The following DNM3 variants were observed in gnomAD, a reference collection of about 807,000 sequenced individuals.
DNM3 encodes dynamin 3.
DNM3 carries 47 observed loss-of-function variants against 101.6 expected under a neutral mutation model. The ratio of observed to expected loss-of-function variants is 0.46; its 90% CI spans 0.37 to 0.59. DNM3 has a LOEUF of 0.59. Ranked by LOEUF, DNM3 falls within the 20% of genes least tolerant of loss-of-function variation. The pLI is 0.00. For missense variants in DNM3, 849 were observed against 1,085.7 expected (o/e 0.78, Z 3.06); for synonymous variants, 385 against 387.9 (o/e 0.99, Z 0.09).
intron 4 of DNM3, among the ~76,000 whole-genome samples, chr1:171,991,867 C>T (rs1446645178): frequency 2.0e-5 from 3 of 152,112 alleles, no homozygotes; most frequent in East Asian, 1.9e-4. Flanking sequence ...AAATGCGTAC[C>T]GCAATATGAC....
At chr1:172,169,180 G>C (rs1051063853) in intron 14 of DNM3, among the ~76,000 whole-genome samples, 3 of 151,736 alleles carry the variant, frequency 2.0e-5, no homozygotes, top group Non-Finnish European at 4.4e-5. Flanking sequence ...TCCATATTGA[G>C]GGGATATTCC....
intron 2 of DNM3, among the ~76,000 whole-genome samples, chr1:171,953,245 T>C (rs1044882249): frequency 6.6e-6 from 1 of 152,182 alleles, no homozygotes; most frequent in African/African-American, 2.4e-5. Context: ...TATCACAAAC[T>C]TTGCTGCTAT....
intron 16 of DNM3, among the ~76,000 whole-genome samples, chr1:172,317,385 A>G (rs1230221735): frequency 4.6e-5 from 7 of 152,054 alleles, no homozygotes; most frequent in Non-Finnish European, 8.8e-5. Context: ...AAATAACTAA[A>G]ATCAGAGCAG....
At chr1:172,307,737 G>A (rs2064898991) in intron 15 of DNM3, among the ~76,000 whole-genome samples, 2 of 152,142 alleles carry the variant, frequency 1.3e-5, no homozygotes. Flanking sequence ...CATGCATGAA[G>A]CTGGAAACCA....
chr1:171,926,371 G>A (rs956767098), intron 2 of DNM3, among the ~76,000 whole-genome samples: 13 of 152,088 alleles, frequency 8.5e-5, no homozygotes, highest in African/African-American at 2.4e-4. Flanking sequence ...CCATTTGTTT[G>A]TGCTTTGATC....
rs1051506733 is a variant in DNM3, at chr1:172,308,759, C to T, written c.1801C>T (p.Leu601=). ...ATACAAAGACTATCGCTTCCTTGAG[C>T]TGGCATGTGATTCCCAGGAGGATGT... is the stretch of plus-strand genomic sequence containing the variant. ...NVYKDYRFLE[L]ACDSQEDVDS... Residue 601 remains leucine, a synonymous_variant, in exon 16 of 21, where the codon CTG becomes TTG. Transcript: ENST00000627582. 5.6e-6 allele frequency: 9 copies of T among 1,606,226 alleles called. No individual in the cohort carries two copies. The highest frequency in any genetic ancestry group is 6.8e-6 in the Non-Finnish European group (8 of 1,176,756).
chr1:172,392,740 G>T lies in DNM3; in HGVS notation c.2522+3931G>T, dbSNP rs533476375. Among the ~76,000 whole-genome samples the T allele has an allele frequency of 5.7e-4, 87 of 152,140 alleles. 1 individual carries two copies. The South Asian group carries it at 0.014, about 25-fold the overall frequency. On this transcript the variant is annotated intron_variant, in intron 20 of 20. Transcript: ENST00000627582. ...AAAAGGGGATAAGGGTGGGAGGAAG[G>T]GTCTCCAACCAAGCAAGAAGAAACT...
intron 17 of DNM3, among the ~76,000 whole-genome samples, chr1:172,335,756 T>A (rs899344417): frequency 3.3e-5 from 5 of 151,898 alleles, no homozygotes; most frequent in African/African-American, 1.2e-4. Flanking sequence ...CACATGGATA[T>A]ACAGAAGACA....
At chr1:172,326,159 A>T (rs1354090426) in intron 17 of DNM3, among the ~76,000 whole-genome samples, 1 of 152,212 alleles carries the variant, frequency 6.6e-6, no homozygotes, top group Non-Finnish European at 1.5e-5. Context: ...CAAGGTTCAC[A>T]TTCTTCCTGC....
intron 1 of DNM3, among the ~76,000 whole-genome samples, chr1:171,869,131 G>T (rs2035038998): frequency 6.6e-6 from 1 of 152,152 alleles, no homozygotes; most frequent in Admixed American, 6.5e-5. Context: ...TCTTGCATGT[G>T]CTTTTTTAAG....
intron 13 of DNM3, among the ~76,000 whole-genome samples, chr1:172,112,580 T>A (rs770554043): frequency 1.3e-5 from 2 of 152,224 alleles, no homozygotes; most frequent in African/African-American, 4.8e-5. Context: ...GTGCCATTCC[T>A]GAAAACATAA....
chr1:172,332,593 G>A (rs1252662094), intron 17 of DNM3, among the ~76,000 whole-genome samples: 12 of 152,188 alleles, frequency 7.9e-5, no homozygotes, highest in Admixed American at 7.9e-4. Context: ...ATAGGCATGA[G>A]CCACCATGCC....
intron 4 of DNM3, among the ~76,000 whole-genome samples, chr1:172,026,122 T>C (rs151110546): frequency 0.028 from 4,266 of 152,106 alleles, 222 homozygotes; most frequent in African/African-American, 0.097. Context: ...AATGACCTGA[T>C]GGAGCTGAAA....
intron 12 of DNM3, 134 bp from the exon 13 acceptor site, chr1:172,092,690 G>A: frequency 2.2e-6 from 2 of 912,702 alleles, no homozygotes; most frequent in African/African-American, 1.7e-5. Context: ...GAATTAAACT[G>A]ACCTGGAATT....
intron 13 of DNM3, 138 bp from the exon 14 acceptor site, chr1:172,131,037 A>T (rs1044934561): frequency 1.3e-5 from 9 of 716,288 alleles, no homozygotes; most frequent in African/African-American, 1.1e-4. Flanking sequence ...TGAATAACTC[A>T]ATGGAAGTTG....
chr1:172,114,921 C>T (rs1369844824), intron 13 of DNM3, among the ~76,000 whole-genome samples: 1 of 152,082 alleles, frequency 6.6e-6, no homozygotes, highest in Non-Finnish European at 1.5e-5. Context: ...ATGCCATGTA[C>T]TATCTAGTAA....
chr1:172,402,161 C>T (rs892803477), intron 20 of DNM3, among the ~76,000 whole-genome samples: 20 of 152,122 alleles, frequency 1.3e-4, no homozygotes, highest in African/African-American at 4.6e-4. Flanking sequence ...TATGCATGCA[C>T]GCCTCAAACT....
chr1:171,910,156 TGTAA>T (rs1294875033), intron 1 of DNM3, among the ~76,000 whole-genome samples: 2 of 152,224 alleles, frequency 1.3e-5, no homozygotes, highest in South Asian at 2.1e-4. Context: ...AGGTTAAAGT[TGTAA>T]GTGTTTATGT....
chr1:171,998,624 TA>T (rs2046165033), intron 4 of DNM3, among the ~76,000 whole-genome samples: 1 of 152,094 alleles, frequency 6.6e-6, no homozygotes. Flanking sequence ...GCTTGTATTC[TA>T]ATGGGGGAAA....
Sources: gnomAD v4.1 joint callset for allele counts (sites outside exome capture counted in the v4.1 genomes callset) on GRCh38, gnomAD v4.1.1 for gene constraint, MANE v1.5 for transcripts, NCBI Gene and HGNC (gene_info 2026-07-23, HGNC 2026-07-21) for gene names.